Variants in DNAH11 observed in about 807,000 individuals in gnomAD.
DNAH11 encodes axonemal beta dynein heavy chain 11.
A neutral mutation model predicts 526.0 loss-of-function variants in DNAH11; 442 were observed. That is an observed-to-expected ratio of 0.84 (90% CI 0.78 to 0.91). The LOEUF (loss-of-function observed/expected upper bound fraction) is 0.91. Ranked by LOEUF, DNAH11 falls within the 40% of genes least tolerant of loss-of-function variation. DNAH11 has a pLI of 0.00. For missense variants in DNAH11, 6,989 were observed against 5,448.7 expected, an observed-to-expected ratio of 1.28 and a Z score of -8.90; for synonymous variants, 2,461 against 1,935.9, an observed-to-expected ratio of 1.27 and a Z score of -7.12.
chr7:21,861,975 G>A lies in DNAH11; in HGVS notation c.11325G>A (p.Ala3775=), dbSNP rs12666072. ...THAVFLYTSQ[A]LFEKDKLTFL... ...CTGTCTTCCTCTACACCAGCCAGGC[G>A]CTGTTTGAGAAGGACAAGCTCACCT... The change falls in exon 69 of 82, where the codon GCG becomes GCA. Residue 3775 remains alanine (A), a synonymous_variant. Transcript: ENST00000409508. The A allele has an allele frequency of 0.054, 87,194 of 1,613,346 alleles. 4,633 individuals are homozygous for A. Among genetic ancestry groups the A allele is most frequent in the Admixed American group, 0.24 (14,103 of 59,892 alleles).
At chr7:21,684,503 A>G (rs1783286342) in intron 32 of DNAH11, among the ~76,000 whole-genome samples, 1 of 152,370 alleles carries the variant, frequency 6.6e-6, no homozygotes, top group Non-Finnish European at 1.5e-5. Flanking sequence ...TGCTATGACA[A>G]CAATAAAAAA....
Position 21,711,740 on chromosome 7 carries a change from T to C in DNAH11, c.6863T>C (p.Ile2288Thr). 3 of 1,613,766 alleles carry C rather than the reference T, an allele frequency of 1.9e-6. No homozygotes were observed. The highest frequency in any genetic ancestry group is 2.5e-6 in the Non-Finnish European group (3 of 1,179,764). ...CTGACCCTCGCCAGCAATGAGCGCATTGCACTCACTCCCTTCATGAGGCTT... is the reference window on the plus strand; with the variant it reads ...CTGACCCTCGCCAGCAATGAGCGCACTGCACTCACTCCCTTCATGAGGCTT... ...KVLTLASNER[I>T]ALTPFMRLLF... Residue 2288 changes from isoleucine (I) to threonine (T), a missense_variant, in exon 42 of 82, where the codon ATT (isoleucine) becomes ACT (threonine). Coordinates refer to ENST00000409508, the MANE Select transcript of DNAH11 (RefSeq NM_001277115.2).
At chr7:21,864,734 A>G (rs931386088) in intron 70 of DNAH11, 77 bp downstream of exon 70, 20 of 1,390,884 alleles carry the variant, frequency 1.4e-5, no homozygotes, top group Non-Finnish European at 1.8e-5. Context: ...AAATGTAAAC[A>G]TTAAAGAATA....
intron 26 of DNAH11, among the ~76,000 whole-genome samples, chr7:21,637,142 G>T (rs1409749047): frequency 2.6e-5 from 4 of 151,900 alleles, no homozygotes; most frequent in East Asian, 1.9e-4. Context: ...TTATATGTAG[G>T]TATGCTTTTT....
At chr7:21,547,329 A>C (rs1005642811) in intron 2 of DNAH11, among the ~76,000 whole-genome samples, 17 of 152,342 alleles carry the variant, frequency 1.1e-4, no homozygotes, top group African/African-American at 3.8e-4. Flanking sequence ...TGAGAAACAC[A>C]TTTATCCTTC....
chr7:21,791,147 G>C (rs1019616673), intron 61 of DNAH11, among the ~76,000 whole-genome samples: 1 of 152,172 alleles, frequency 6.6e-6, no homozygotes, highest in African/African-American at 2.4e-5. Context: ...TGCCTGGCAG[G>C]GCAGCCAGCA....
intron 75 of DNAH11, among the ~76,000 whole-genome samples, chr7:21,881,354 CATT>C (rs1392492645): frequency 6.6e-6 from 1 of 152,164 alleles, no homozygotes; most frequent in East Asian, 1.9e-4. Flanking sequence ...CTGCATATGT[CATT>C]ATTATGTATT....
At chr7:21,834,038 C>T (rs974424280) in intron 65 of DNAH11, among the ~76,000 whole-genome samples, 1 of 152,130 alleles carries the variant, frequency 6.6e-6, no homozygotes, top group South Asian at 2.1e-4. Flanking sequence ...CACCCAATAG[C>T]GCAGAATATA....
chr7:21,623,195 C>T (rs1424110957), intron 25 of DNAH11, among the ~76,000 whole-genome samples: 3 of 152,184 alleles, frequency 2.0e-5, no homozygotes, highest in Non-Finnish European at 4.4e-5. Flanking sequence ...ATTTATGCAA[C>T]CAAAAAACAC....
intron 30 of DNAH11, among the ~76,000 whole-genome samples, chr7:21,680,683 A>G (rs571403853): frequency 1.3e-4 from 20 of 152,334 alleles, no homozygotes; most frequent in Middle Eastern, 3.4e-3. Flanking sequence ...TCTATGAAAA[A>G]AGACCAGCAG....
At chr7:21,871,360 G>A (rs561181165) in intron 73 of DNAH11, among the ~76,000 whole-genome samples, 2 of 152,294 alleles carry the variant, frequency 1.3e-5, no homozygotes, top group South Asian at 2.1e-4. Context: ...TGGAAAAATA[G>A]GCATAAGAAT....
At chr7:21,829,986 C>T (rs1790477333) in intron 65 of DNAH11, among the ~76,000 whole-genome samples, 2 of 152,102 alleles carry the variant, frequency 1.3e-5, no homozygotes. Context: ...AACGACTTTC[C>T]GTGATTTGAA....
At chr7:21,837,436 G>T (rs1206047820) in intron 65 of DNAH11, among the ~76,000 whole-genome samples, 1 of 152,202 alleles carries the variant, frequency 6.6e-6, no homozygotes, top group Non-Finnish European at 1.5e-5. Context: ...CAACATGGAT[G>T]AACCTGGTGG....
At chr7:21,670,272 A>T (rs923005749) in intron 30 of DNAH11, among the ~76,000 whole-genome samples, 1 of 151,966 alleles carries the variant, frequency 6.6e-6, no homozygotes. Context: ...TTATTTTTAG[A>T]TGGTTGATGT....
In DNAH11 at chr7:21,854,326, C is replaced by G. The variant is rs1296609083; in HGVS notation, c.11073C>G (p.Ala3691=). 1.2e-6 allele frequency: 2 copies of G among 1,613,126 alleles called. No homozygotes were observed. Among genetic ancestry groups the G allele is most frequent in the African/African-American group, 2.7e-5 (2 of 74,754 alleles). The change falls in exon 68 of 82, where the codon GCC becomes GCG. Residue 3691 remains alanine (A), a synonymous_variant. Transcript: ENST00000409508. ...TGATCCCACCATAGGTGATTGAAGC[C>G]AAAGAAAATGAAAGAAAAATCAACG... ...VAEIEHKVIE[A]KENERKINEA... is the part of the protein sequence containing the mutation.
chr7:21,811,847 G>C (rs1254984803), intron 63 of DNAH11, among the ~76,000 whole-genome samples: 8 of 152,198 alleles, frequency 5.3e-5, no homozygotes, highest in Admixed American at 5.2e-4. Context: ...CATAATCAAA[G>C]AGTTGGGTAC....
chr7:21,866,370 A>G, intron 70 of DNAH11, 100 bp from the exon 71 acceptor site: 1 of 1,165,088 alleles, frequency 8.6e-7, no homozygotes, highest in Non-Finnish European at 1.2e-6. Flanking sequence ...ACTATCCAGC[A>G]CAGTTTTTTT....
intron 61 of DNAH11, among the ~76,000 whole-genome samples, chr7:21,800,348 T>C (rs879337420): frequency 3.3e-5 from 5 of 152,128 alleles, no homozygotes; most frequent in Non-Finnish European, 7.3e-5. Flanking sequence ...GAGAAAAATA[T>C]GGGTCAGGCA....
intron 25 of DNAH11, among the ~76,000 whole-genome samples, chr7:21,631,238 A>G (rs969379719): frequency 6.6e-6 from 1 of 152,178 alleles, no homozygotes; most frequent in East Asian, 1.9e-4. Context: ...GTTACCTCCC[A>G]CTGGGTCCTT....
Sources: allele counts gnomAD v4.1 joint callset (sites outside exome capture counted in the v4.1 genomes callset), GRCh38; gene constraint gnomAD v4.1.1; transcripts MANE v1.5; gene names NCBI Gene and HGNC (gene_info 2026-07-23, HGNC 2026-07-21).